DPY19L3: variants seen among roughly 807,000 people sequenced by gnomAD.
DPY19L3 encodes the protein protein C-mannosyl-transferase DPY19L3.
A neutral mutation model predicts 92.3 loss-of-function variants in DPY19L3; 51 were observed. The observed-to-expected ratio is 0.55, with a 90% confidence interval of 0.44 to 0.70. The LOEUF (loss-of-function observed/expected upper bound fraction) is 0.70. Ranked by LOEUF, DPY19L3 falls within the 30% of genes least tolerant of loss-of-function variation. The pLI is 0.00. For missense variants in DPY19L3, 706 were observed against 855.9 expected (o/e 0.82, Z 2.18); for synonymous variants, 309 against 315.2 (o/e 0.98, Z 0.21).
rs1395448172 is a variant in DPY19L3 at position 32,482,161 on chromosome 19, T to C, written c.2072T>C (p.Leu691Pro). 1 of 1,613,754 alleles carries C rather than the reference T, an allele frequency of 6.2e-7. No individual in the cohort carries two copies. The highest frequency in any genetic ancestry group is 8.5e-7 in the Non-Finnish European group (1 of 1,179,848). ...PRFCEEIKRN[L>P]PPYVAYFTRV... is the part of the protein sequence containing the mutation. ...TTCTGTGAAGAGATCAAAAGAAACC[T>C]GCCTCCCTACGTGGCCTACTTCACC... The change falls in exon 19 of 19, where the codon CTG becomes CCG. Residue 691 changes from leucine (L) to proline (P), a missense_variant. Transcript: ENST00000392250.
intron 1 of DPY19L3, 94 bp from the exon 2 acceptor site, chr19:32,408,122 GA>G (rs1968044623): frequency 1.5e-6 from 1 of 655,342 alleles, no homozygotes. Context: ...CTAATAGAGG[GA>G]AAATGGCATA....
At chr19:32,449,029 C>A (rs1422467302) in intron 8 of DPY19L3, among the ~76,000 whole-genome samples, 1 of 152,006 alleles carries the variant, frequency 6.6e-6, no homozygotes, top group African/African-American at 2.4e-5. Flanking sequence ...CAAAAAACAC[C>A]CACAAATAAA....
Position 32,482,144 on chromosome 19 carries a change from A to C in DPY19L3, c.2055A>C (p.Glu685Asp), listed in dbSNP as rs1212768914. The change falls in exon 19 of 19, where the codon GAA becomes GAC. Residue 685 changes from glutamate to aspartate, a missense_variant. Transcript: ENST00000392250. Reference protein sequence around the residue: ...LKPADHPRFCEEIKRNLPPYV... With the variant: ...LKPADHPRFCDEIKRNLPPYV... ...CTGCAGACCACCCTCGCTTCTGTGAAGAGATCAAAAGAAACCTGCCTCCCT... is the reference window on the plus strand; with the variant it reads ...CTGCAGACCACCCTCGCTTCTGTGACGAGATCAAAAGAAACCTGCCTCCCT... 2 of 1,613,912 alleles carry C rather than the reference A, an allele frequency of 1.2e-6. No individual in the cohort carries two copies. Among genetic ancestry groups the C allele is most frequent in the East Asian group, 4.5e-5 (2 of 44,854 alleles).
intron 3 of DPY19L3, among the ~76,000 whole-genome samples, chr19:32,425,952 TCTC>T (rs143960786): frequency 3.5e-4 from 54 of 152,340 alleles, no homozygotes; most frequent in African/African-American, 1.3e-3. Flanking sequence ...GGCATTGACT[TCTC>T]CTGAGCTGTA....
intron 3 of DPY19L3, among the ~76,000 whole-genome samples, chr19:32,431,179 A>G (rs1968954149): frequency 6.6e-6 from 1 of 152,270 alleles, no homozygotes; most frequent in South Asian, 2.1e-4. Context: ...CGGGAGTTCA[A>G]GACCAGCCTT....
At chr19:32,422,539 G>A (rs1402356003) in intron 3 of DPY19L3, among the ~76,000 whole-genome samples, 2 of 151,980 alleles carry the variant, frequency 1.3e-5, no homozygotes, top group African/African-American at 2.4e-5. Flanking sequence ...GTGACAGTAT[G>A]AGAAAGCAAG....
intron 3 of DPY19L3, among the ~76,000 whole-genome samples, chr19:32,418,190 T>A (rs1286659869): frequency 6.6e-6 from 1 of 152,146 alleles, no homozygotes; most frequent in Non-Finnish European, 1.5e-5. Flanking sequence ...CTCTGAAACT[T>A]ACAATTGAGC....
intron 16 of DPY19L3, among the ~76,000 whole-genome samples, chr19:32,476,845 A>T (rs1253882035): frequency 6.6e-6 from 1 of 152,156 alleles, no homozygotes; most frequent in Non-Finnish European, 1.5e-5. Context: ...TTAAGTAATA[A>T]GATATTGGCT....
intron 3 of DPY19L3, among the ~76,000 whole-genome samples, chr19:32,418,192 C>G (rs933000368): frequency 6.6e-6 from 1 of 152,254 alleles, no homozygotes; most frequent in Admixed American, 6.5e-5. Flanking sequence ...CTGAAACTTA[C>G]AATTGAGCTC....
chr19:32,482,162 G>A lies in DPY19L3; in HGVS notation c.2073G>A (p.Leu691=), dbSNP rs1239468956. 2.5e-6 allele frequency: 4 copies of A among 1,613,794 alleles called. No homozygotes were observed. Among genetic ancestry groups the A allele is most frequent in the Non-Finnish European group, 3.4e-6 (4 of 1,179,840 alleles). ...PRFCEEIKRN[L]PPYVAYFTRV... is the part of the protein sequence containing the mutation. ...TCTGTGAAGAGATCAAAAGAAACCT[G>A]CCTCCCTACGTGGCCTACTTCACCA... The change falls in exon 19 of 19, where the codon CTG becomes CTA. Residue 691 remains leucine (L), a synonymous_variant. Coordinates refer to ENST00000392250, the MANE Select transcript of DPY19L3 (RefSeq NM_001172774.2).
At chr19:32,475,893 T>A (rs1970493276) in intron 16 of DPY19L3, among the ~76,000 whole-genome samples, 3 of 152,198 alleles carry the variant, frequency 2.0e-5, no homozygotes, top group African/African-American at 7.2e-5. Flanking sequence ...TTTTTCCTGC[T>A]GGAATCTGCA....
In DPY19L3 at chr19:32,477,540, G is replaced by A. The variant is rs780140330; in HGVS notation, c.1716G>A (p.Lys572=). 1 of 1,614,172 alleles carries A rather than the reference G, an allele frequency of 6.2e-7. No individual in the cohort carries two copies. The highest frequency in any genetic ancestry group is 8.5e-7 in the Non-Finnish European group (1 of 1,180,040). The change falls in exon 17 of 19, where the codon AAG becomes AAA. Residue 572 remains lysine (K), a synonymous_variant. Coordinates refer to ENST00000392250, the MANE Select transcript of DPY19L3 (RefSeq NM_001172774.2). ...MNWINSNTPR[K]AVFAGSMQLL... ...CTTTCAGCTCTAACACTCCAAGAAA[G>A]GCTGTGTTTGCGGGAAGCATGCAGT...
intron 16 of DPY19L3, 186 bp from the exon 17 acceptor site, chr19:32,477,336 G>A (rs566009042): frequency 2.8e-5 from 16 of 570,608 alleles, no homozygotes; most frequent in Non-Finnish European, 4.0e-5. Context: ...GGCAAAAACC[G>A]CAATTACTTT....
At chr19:32,423,017 TG>T (rs1449704745) in intron 3 of DPY19L3, among the ~76,000 whole-genome samples, 3 of 152,208 alleles carry the variant, frequency 2.0e-5, no homozygotes, top group Non-Finnish European at 4.4e-5. Context: ...CAAACTTTTT[TG>T]TTCCTAGAAA....
intron 3 of DPY19L3, among the ~76,000 whole-genome samples, chr19:32,430,314 C>G (rs1968916814): frequency 6.6e-6 from 1 of 151,970 alleles, no homozygotes; most frequent in South Asian, 2.1e-4. Flanking sequence ...CCCTGACACG[C>G]AAAGGCTACG....
At chr19:32,438,774 T>G (rs1568338168) in intron 6 of DPY19L3, among the ~76,000 whole-genome samples, 1 of 152,184 alleles carries the variant, frequency 6.6e-6, no homozygotes, top group Non-Finnish European at 1.5e-5. Flanking sequence ...AGGGAAAATG[T>G]GTATTGCCTC....
At chr19:32,467,452 C>G (rs1479799273) in intron 15 of DPY19L3, 20 of 987,306 alleles carry the variant, frequency 2.0e-5, no homozygotes, top group Non-Finnish European at 2.4e-5. Context: ...GTAATTTTTA[C>G]TACATCTCTT....
At chr19:32,442,380 C>T (rs1969351660) in intron 8 of DPY19L3, among the ~76,000 whole-genome samples, 2 of 152,298 alleles carry the variant, frequency 1.3e-5, no homozygotes, top group Admixed American at 1.3e-4. Context: ...ATTGTGGAAA[C>T]AGACGCATTC....
In DPY19L3 at chr19:32,463,967, A is replaced by ATAACCC; in HGVS notation, c.1545_1550dup (p.Asn516_Pro517dup). The ATAACCC allele has an allele frequency of 2.5e-6, 4 of 1,611,994 alleles. No homozygotes were observed. The highest frequency in any genetic ancestry group is 3.4e-6 in the Non-Finnish European group (4 of 1,178,414). ...TTACTTCTGAAGTCAGTCCATCTTT[A>ATAACCC]TAACCCAAAGAGGGTCAGTGTCATC... On this transcript the variant is annotated inframe_insertion, in exon 14 of 19. Coordinates refer to ENST00000392250, the MANE Select transcript of DPY19L3 (RefSeq NM_001172774.2).
Sources: allele counts gnomAD v4.1 joint callset (sites outside exome capture counted in the v4.1 genomes callset), GRCh38; gene constraint gnomAD v4.1.1; transcripts MANE v1.5; gene names NCBI Gene and HGNC (gene_info 2026-07-23, HGNC 2026-07-21).